UBR2: variants seen among roughly 807,000 people sequenced by gnomAD.
UBR2 encodes the protein E3 ubiquitin-protein ligase UBR2.
In UBR2, 92 loss-of-function variants were observed where a neutral mutation model predicts 247.9. That is an observed-to-expected ratio of 0.37 (90% CI 0.31 to 0.44). The LOEUF (loss-of-function observed/expected upper bound fraction) is 0.44, where lower values mean the gene tolerates loss of function less well. Among genes scored for constraint, UBR2 ranks in the 20% least tolerant of loss-of-function variants. UBR2 has a pLI of 1.00. For missense variants in UBR2, 1,613 were observed against 2,112.6 expected, an observed-to-expected ratio of 0.76 and a Z score of 4.64; for synonymous variants, 672 against 693.5, an observed-to-expected ratio of 0.97 and a Z score of 0.49.
intron 1 of UBR2, 104 bp downstream of exon 1, chr6:42,564,501 G>T (rs915936975): frequency 1.5e-6 from 2 of 1,326,748 alleles, no homozygotes; most frequent in South Asian, 2.8e-5. Flanking sequence ...CAGACTTGGG[G>T]AAACAGCTGT....
chr6:42,591,596 G>A (rs532581012), intron 2 of UBR2, among the ~76,000 whole-genome samples: 1 of 152,262 alleles, frequency 6.6e-6, no homozygotes, highest in Non-Finnish European at 1.5e-5. Flanking sequence ...GAGGAGACCT[G>A]TATCATTCAG....
At chr6:42,587,097 G>C (rs1216764180) in intron 2 of UBR2, among the ~76,000 whole-genome samples, 1 of 152,024 alleles carries the variant, frequency 6.6e-6, no homozygotes, top group Non-Finnish European at 1.5e-5. Context: ...TGGAATTACA[G>C]GCATGAGCCA....
chr6:42,692,922 C>T lies in UBR2; in HGVS notation c.*1749C>T, dbSNP rs1404612010. 6.6e-6 allele frequency: 1 copy of T among 152,162 alleles called. No homozygotes were observed. The highest frequency in any genetic ancestry group is 2.4e-5 in the African/African-American group (1 of 41,438). The allele number at this position is 152,162 out of a possible 1,614,324, so 9.4% of individuals were successfully genotyped here. ...CCTCTCTCCCCCTTTTTCTGGCCTT[C>T]ATTCATAAGATCTGGTTGTTTGGGC... On this transcript the variant is annotated 3_prime_UTR_variant, in exon 47 of 47. Transcript: ENST00000372901.
intron 42 of UBR2, among the ~76,000 whole-genome samples, chr6:42,681,227 A>C (rs2151992015): frequency 6.6e-6 from 1 of 151,780 alleles, no homozygotes; most frequent in African/African-American, 2.4e-5. Flanking sequence ...TCTCTACAAA[A>C]AATTTAAACA....
Position 42,682,441 on chromosome 6 carries a change from A to AT in UBR2, c.4719-601dup, listed in dbSNP as rs869058518. 2.6e-3 allele frequency among the ~76,000 whole-genome samples: 378 copies of AT among 145,014 alleles called. 1 individual carries two copies. The highest frequency in any genetic ancestry group is 3.8e-3 in the Non-Finnish European group (254 of 66,604). ...ATATTTTACCACACTAAAAAAAAAA[A>AT]TTTTTTTTTTTTTAAGTCTCACTCT... On this transcript the variant is annotated intron_variant, in intron 42 of 46. Coordinates refer to ENST00000372901, the MANE Select transcript of UBR2 (RefSeq NM_001363705.2).
intron 1 of UBR2, among the ~76,000 whole-genome samples, chr6:42,571,591 A>C (rs1404468433): frequency 1.3e-5 from 2 of 151,770 alleles, no homozygotes; most frequent in Non-Finnish European, 1.5e-5. Context: ...AAAAATACAA[A>C]AATTAGCCGC....
chr6:42,645,202 TCC>T lies in UBR2; in HGVS notation c.2285-262_2285-261del, dbSNP rs148099352. ...GTTTCCTTGACCACATTTAATCCCT[TCC>T]CACATTTCTGATCCCATTCTTTCAA... On this transcript the variant is annotated intron_variant, in intron 20 of 46. Transcript: ENST00000372901. 7.8e-3 allele frequency among the ~76,000 whole-genome samples: 1,184 copies of T among 152,182 alleles called. 12 individuals are homozygous for T. Among genetic ancestry groups the T allele is most frequent in the African/African-American group, 0.028 (1,148 of 41,516 alleles).
chr6:42,619,556 C>T, intron 11 of UBR2: 1 of 221,930 alleles, frequency 4.5e-6, no homozygotes, highest in Non-Finnish European at 8.6e-6. Context: ...TGAGACCAGC[C>T]TGGCCAACAT....
At chr6:42,670,784 C>A in intron 36 of UBR2, 69 bp downstream of exon 36, 1 of 1,227,050 alleles carries the variant, frequency 8.1e-7, no homozygotes, top group Non-Finnish European at 1.2e-6. Context: ...TGCTTTTAAT[C>A]TTATGGACCT....
At chr6:42,654,875 T>G (rs1797346558) in intron 25 of UBR2, among the ~76,000 whole-genome samples, 1 of 152,224 alleles carries the variant, frequency 6.6e-6, no homozygotes, top group Non-Finnish European at 1.5e-5. Context: ...AAGTTTGTCT[T>G]TCTCAGATGA....
intron 24 of UBR2, 81 bp downstream of exon 24, chr6:42,652,152 C>A: frequency 7.7e-7 from 1 of 1,301,068 alleles, no homozygotes; most frequent in South Asian, 1.4e-5. Flanking sequence ...TGATGATTGT[C>A]CTTGGTGGAA....
At chr6:42,598,032 A>G (rs888458637) in intron 4 of UBR2, among the ~76,000 whole-genome samples, 1 of 152,180 alleles carries the variant, frequency 6.6e-6, no homozygotes, top group Non-Finnish European at 1.5e-5. Context: ...TTTAGCCTAC[A>G]TCTTCCGAAA....
At chr6:42,617,752 C>G (rs985758669) in intron 11 of UBR2, among the ~76,000 whole-genome samples, 2 of 152,136 alleles carry the variant, frequency 1.3e-5, no homozygotes, top group African/African-American at 4.8e-5. Context: ...GGGAAACAAT[C>G]TACAATTTTT....
intron 16 of UBR2, 87 bp downstream of exon 16, chr6:42,640,357 G>C (rs1046702038): frequency 1.8e-6 from 2 of 1,115,972 alleles, no homozygotes; most frequent in South Asian, 1.5e-5. Context: ...TTTAGTTTGG[G>C]TTCTCCAGAG....
chr6:42,586,534 C>A (rs926460269), intron 2 of UBR2, among the ~76,000 whole-genome samples: 1 of 99,208 alleles, frequency 1.0e-5, no homozygotes, highest in African/African-American at 4.5e-5. Flanking sequence ...TTCAGTTTGT[C>A]TCTCTTTTTT....
chr6:42,672,865 A>G (rs1798526154), intron 36 of UBR2, among the ~76,000 whole-genome samples: 1 of 152,074 alleles, frequency 6.6e-6, no homozygotes, highest in South Asian at 2.1e-4. Context: ...AATGGGTTTT[A>G]TTTGAAGATC....
intron 44 of UBR2, among the ~76,000 whole-genome samples, chr6:42,686,284 A>G (rs994383374): frequency 3.3e-5 from 5 of 151,718 alleles, no homozygotes; most frequent in Admixed American, 6.6e-5. Context: ...GATGACTCTT[A>G]ACGAGCATGC....
intron 2 of UBR2, among the ~76,000 whole-genome samples, chr6:42,590,946 T>A (rs1022746714): frequency 3.3e-5 from 5 of 152,128 alleles, no homozygotes; most frequent in African/African-American, 1.2e-4. Context: ...TAGACATAGA[T>A]GAGTGGAATA....
chr6:42,660,231 AGTGAT>A (rs1454826736), intron 30 of UBR2, among the ~76,000 whole-genome samples: 1 of 152,190 alleles, frequency 6.6e-6, no homozygotes, highest in Non-Finnish European at 1.5e-5. Flanking sequence ...TCCTGAGAAC[AGTGAT>A]GGAGAGTTAC....
Sources: allele counts gnomAD v4.1 joint callset (sites outside exome capture counted in the v4.1 genomes callset), GRCh38; gene constraint gnomAD v4.1.1; transcripts MANE v1.5; gene names NCBI Gene and HGNC (gene_info 2026-07-23, HGNC 2026-07-21).